The following COLEC12 variants were observed in gnomAD, a reference collection of about 807,000 sequenced individuals.
The protein encoded by COLEC12 is collectin-12.
A neutral mutation model predicts 71.1 loss-of-function variants in COLEC12; 33 were observed. The observed-to-expected ratio is 0.46, with a 90% confidence interval of 0.35 to 0.62. The LOEUF is 0.62. COLEC12 is among the 20% of genes least tolerant of loss of function. COLEC12 has a pLI of 0.00. For synonymous variants in COLEC12, 350 were observed against 353.0 expected, an observed-to-expected ratio of 0.99 and a Z score of 0.10; for missense variants, 765 against 916.1, an observed-to-expected ratio of 0.84 and a Z score of 2.13.
intron 1 of COLEC12, among the ~76,000 whole-genome samples, chr18:482,241 G>A (rs1296733915): frequency 2.0e-5 from 3 of 149,528 alleles, no homozygotes; most frequent in Non-Finnish European, 3.0e-5. Context: ...TCAGCCTTCT[G>A]AGGCTGGGAT....
In COLEC12 at chr18:500,443, G is replaced by GGCCC; in HGVS notation, c.7+64_7+65insGGGC. 2 of 954,896 alleles carry GGCCC rather than the reference G, an allele frequency of 2.1e-6. No homozygotes were observed. Among genetic ancestry groups the GGCCC allele is most frequent in the Middle Eastern group, 5.0e-4 (1 of 2,014 alleles). 59.2% of individuals were successfully genotyped at this position (954,896 alleles called of 1,614,324 possible). ...GGTTCGCGCGGGAGGCACCTCCGTG[G>GGCCC]CCTCCCGCGCGCCCCGAAGCCCGTT... On this transcript the variant is annotated intron_variant, in intron 1 of 9. Coordinates refer to ENST00000400256, the MANE Select transcript of COLEC12 (RefSeq NM_130386.3). This position sits in a 1 kb window ranked among gnomAD's most constrained non-coding sequence, Gnocchi z 5.3.
intron 3 of COLEC12, among the ~76,000 whole-genome samples, chr18:354,771 G>C (rs1362168451): frequency 1.3e-5 from 2 of 152,124 alleles, no homozygotes; most frequent in East Asian, 3.9e-4. Context: ...TTTGGTCAGT[G>C]GAGGCCTGAA....
chr18:374,121 T>A (rs1187244785), intron 2 of COLEC12, among the ~76,000 whole-genome samples: 1 of 152,124 alleles, frequency 6.6e-6, no homozygotes, highest in African/African-American at 2.4e-5. Flanking sequence ...GAATAAATGA[T>A]CTAATACAGA....
intron 3 of COLEC12, among the ~76,000 whole-genome samples, chr18:350,315 T>TG (rs1914484655): frequency 6.6e-6 from 1 of 152,150 alleles, no homozygotes; most frequent in Admixed American, 6.5e-5. Context: ...GTGTAAGAAG[T>TG]GCCTTTTGCC....
intron 4 of COLEC12, 105 bp from the exon 5 acceptor site, chr18:347,446 G>T: frequency 2.2e-6 from 2 of 907,742 alleles, no homozygotes; most frequent in Non-Finnish European, 3.4e-6. Flanking sequence ...TATTTTAGAT[G>T]CAAAATTGGC....
chr18:428,156 C>T (rs1286224127), intron 2 of COLEC12, among the ~76,000 whole-genome samples: 3 of 151,814 alleles, frequency 2.0e-5, no homozygotes, highest in African/African-American at 4.8e-5. Context: ...CCCAGCTACT[C>T]GGGAGGCTGA....
At chr18:417,686 T>G (rs2143647634) in intron 2 of COLEC12, among the ~76,000 whole-genome samples, 1 of 152,264 alleles carries the variant, frequency 6.6e-6, no homozygotes, top group South Asian at 2.1e-4. Context: ...AGAAACACGA[T>G]ACACAGAACA....
intron 2 of COLEC12, among the ~76,000 whole-genome samples, chr18:455,004 T>G (rs1916836978): frequency 6.6e-6 from 1 of 152,154 alleles, no homozygotes; most frequent in South Asian, 2.1e-4. Context: ...AAATCATACT[T>G]GACGATCACA....
intron 2 of COLEC12, among the ~76,000 whole-genome samples, chr18:463,301 A>T (rs1254310449): frequency 6.6e-6 from 1 of 152,130 alleles, no homozygotes; most frequent in Non-Finnish European, 1.5e-5. Context: ...CCAGTCATAA[A>T]TGTCTCCATT....
chr18:329,210 G>T (rs1913914677), intron 8 of COLEC12, among the ~76,000 whole-genome samples: 1 of 152,182 alleles, frequency 6.6e-6, no homozygotes, highest in Non-Finnish European at 1.5e-5. Flanking sequence ...CACATTGGGA[G>T]AGCTGGCATA....
At chr18:497,029 T>C (rs1346398236) in intron 1 of COLEC12, among the ~76,000 whole-genome samples, 1 of 152,190 alleles carries the variant, frequency 6.6e-6, no homozygotes, top group African/African-American at 2.4e-5. Context: ...AAAACAAACT[T>C]CATGTTTTAA....
chr18:340,597 T>C (rs1914228937), intron 5 of COLEC12, among the ~76,000 whole-genome samples: 1 of 152,178 alleles, frequency 6.6e-6, no homozygotes, highest in Admixed American at 6.5e-5. Context: ...AAACTCCCGG[T>C]GCTTAACAAA....
chr18:431,429 T>C (rs1483722754), intron 2 of COLEC12, among the ~76,000 whole-genome samples: 1 of 152,210 alleles, frequency 6.6e-6, no homozygotes, highest in African/African-American at 2.4e-5. Context: ...GTTTATTTCT[T>C]GAAGCACGTT....
chr18:319,953 T>C lies in COLEC12; in HGVS notation c.*92A>G. The C allele has an allele frequency of 1.2e-6, 1 of 804,884 alleles. No homozygotes were observed. Among genetic ancestry groups the C allele is most frequent in the Admixed American group, 2.6e-5 (1 of 37,864 alleles). The allele number at this position is 804,884 out of a possible 1,614,324, so 49.9% of individuals were successfully genotyped here. On this transcript the variant is annotated 3_prime_UTR_variant, in exon 10 of 10. Transcript: ENST00000400256. ...TAATTGGTTTTCAGTGCTTTTTTTT[T>C]TTCAATCTGATGAGAAGGTGATGCA...
At chr18:344,321 C>A (rs906484896) in intron 5 of COLEC12, among the ~76,000 whole-genome samples, 1 of 152,178 alleles carries the variant, frequency 6.6e-6, no homozygotes, top group Non-Finnish European at 1.5e-5. Context: ...TTAGTGAACA[C>A]CCACTAGTCT....
chr18:412,470 T>A (rs1266199091), intron 2 of COLEC12, among the ~76,000 whole-genome samples: 1 of 141,366 alleles, frequency 7.1e-6, no homozygotes. Context: ...CTAAAGAAAG[T>A]GCTCTAAACA....
At chr18:322,573 C>T (rs998714363) in intron 8 of COLEC12, among the ~76,000 whole-genome samples, 4 of 152,164 alleles carry the variant, frequency 2.6e-5, no homozygotes, top group Admixed American at 6.5e-5. Flanking sequence ...TACGTTTCCA[C>T]GAATAAATCA....
At chr18:367,697 C>T (rs1400769821) in intron 2 of COLEC12, among the ~76,000 whole-genome samples, 1 of 152,180 alleles carries the variant, frequency 6.6e-6, no homozygotes, top group African/African-American at 2.4e-5. Flanking sequence ...CTGGGAGGGA[C>T]CTATTTTAAT....
In COLEC12 at chr18:477,046, C is replaced by T. The variant is rs114284836; in HGVS notation, c.58+3661G>A. Among the ~76,000 whole-genome samples, 759 of 152,208 alleles carry T rather than the reference C, an allele frequency of 5.0e-3. 8 individuals are homozygous for T. The highest frequency in any genetic ancestry group is 0.014 in the African/African-American group (571 of 41,532). On this transcript the variant is annotated intron_variant, in intron 2 of 9. Transcript: ENST00000400256. ...AGACACCTGCCCAGAACTTTGGGAA[C>T]GGGGCTGAACAAGCTTGGTATATGG...
Sources: gnomAD v4.1 joint callset for allele counts (sites outside exome capture counted in the v4.1 genomes callset) on GRCh38, gnomAD v4.1.1 for gene constraint, Gnocchi (gnomAD v3.1) non-coding constraint, MANE v1.5 for transcripts, NCBI Gene and HGNC (gene_info 2026-07-23, HGNC 2026-07-21) for gene names.